The following WWOX variants were observed in gnomAD, a reference collection of about 807,000 sequenced individuals.
The protein encoded by WWOX is WW domain-containing oxidoreductase.
Under a neutral mutation model 46.2 loss-of-function variants are expected in WWOX, and 69 were observed. That is an observed-to-expected ratio of 1.49 (90% confidence interval 1.23 to 1.82). The LOEUF is 1.82. Ranked by LOEUF, WWOX falls within the 40% of genes most tolerant of loss-of-function variation. WWOX has a pLI of 0.00. For missense variants in WWOX, 919 were observed against 542.6 expected (o/e 1.69, Z -6.89); for synonymous variants, 359 against 202.6 (o/e 1.77, Z -6.56).
Position 78,405,219 on chromosome 16 carries a change from G to A in WWOX, c.605+18271G>A, listed in dbSNP as rs1307747392. ...TTCACTATAAGAAGTTGCAAATGGTGCATGAAATGAAAAATTCCTGGTGGT... is the reference window on the plus strand; with the variant it reads ...TTCACTATAAGAAGTTGCAAATGGTACATGAAATGAAAAATTCCTGGTGGT... On this transcript the variant is annotated intron_variant, in intron 6 of 8. Coordinates refer to ENST00000566780, the MANE Select transcript of WWOX (RefSeq NM_016373.4). Among the ~76,000 whole-genome samples, 3 of 152,306 alleles carry A rather than the reference G, an allele frequency of 2.0e-5. No homozygotes were observed. The East Asian group carries it at 5.8e-4, about 29-fold the overall frequency.
At chr16:78,672,683 A>G (rs1022477525) in intron 8 of WWOX, among the ~76,000 whole-genome samples, 1 of 152,192 alleles carries the variant, frequency 6.6e-6, no homozygotes, top group Non-Finnish European at 1.5e-5. Context: ...ATCGGATGAA[A>G]TTTTAAAAAC....
At chr16:78,224,568 C>T (rs2036990367) in intron 5 of WWOX, among the ~76,000 whole-genome samples, 1 of 152,130 alleles carries the variant, frequency 6.6e-6, no homozygotes, top group Non-Finnish European at 1.5e-5. Context: ...AACCAATCCC[C>T]TGTTGTTGGA....
chr16:79,139,568 C>T (rs577121924), intron 8 of WWOX, among the ~76,000 whole-genome samples: 1 of 152,234 alleles, frequency 6.6e-6, no homozygotes, highest in African/African-American at 2.4e-5. Context: ...GTGGAAGTCA[C>T]GTGGGCTTTT....
intron 7 of WWOX, among the ~76,000 whole-genome samples, chr16:78,427,887 G>A (rs372351536): frequency 6.6e-6 from 1 of 152,278 alleles, no homozygotes; most frequent in Admixed American, 6.5e-5. Flanking sequence ...AGCCAGCATG[G>A]CGAAACCCCA....
chr16:78,199,423 C>T (rs922173530), intron 5 of WWOX, among the ~76,000 whole-genome samples: 3 of 152,188 alleles, frequency 2.0e-5, no homozygotes, highest in Non-Finnish European at 4.4e-5. Context: ...ATATGTTCAT[C>T]ACTAGGGCCA....
intron 8 of WWOX, among the ~76,000 whole-genome samples, chr16:78,469,483 G>T (rs1001678725): frequency 6.6e-6 from 1 of 152,194 alleles, no homozygotes; most frequent in African/African-American, 2.4e-5. Context: ...TCCGCAGTGA[G>T]GGTGATGATG....
chr16:79,019,817 T>A (rs1414656762), intron 8 of WWOX, among the ~76,000 whole-genome samples: 1 of 152,152 alleles, frequency 6.6e-6, no homozygotes, highest in African/African-American at 2.4e-5. Context: ...CCAGCTAATC[T>A]TTTCTAGCTG....
intron 8 of WWOX, among the ~76,000 whole-genome samples, chr16:78,631,695 T>C (rs2046436231): frequency 6.6e-6 from 1 of 152,086 alleles, no homozygotes; most frequent in African/African-American, 2.4e-5. Context: ...CCACCGTGCC[T>C]GGCTATTTTT....
intron 8 of WWOX, among the ~76,000 whole-genome samples, chr16:78,605,809 G>C (rs974098245): frequency 6.6e-6 from 1 of 152,162 alleles, no homozygotes; most frequent in Non-Finnish European, 1.5e-5. Context: ...TGGTTAAATT[G>C]AACCTTTCCC....
At chr16:79,024,682 A>C (rs57899479) in intron 8 of WWOX, among the ~76,000 whole-genome samples, 7,246 of 151,796 alleles carry the variant, frequency 0.048, 226 homozygotes, top group South Asian at 0.14. Context: ...TGATCTGCCC[A>C]CCTCGGCCTC....
chr16:78,692,764 A>T (rs963556243), intron 8 of WWOX, among the ~76,000 whole-genome samples: 1 of 152,230 alleles, frequency 6.6e-6, no homozygotes, highest in African/African-American at 2.4e-5. Context: ...GAGTGGCCCC[A>T]GGTTTCCCTG....
intron 8 of WWOX, chr16:78,891,859 C>T (rs1205348247): frequency 6.6e-6 from 1 of 152,080 alleles, no homozygotes; most frequent in East Asian, 1.9e-4. Context: ...AAATAATGAC[C>T]AGTTATACTT....
At chr16:78,226,562 C>T (rs1204774495) in intron 5 of WWOX, among the ~76,000 whole-genome samples, 1 of 134,970 alleles carries the variant, frequency 7.4e-6, no homozygotes, top group Admixed American at 8.5e-5. Flanking sequence ...TTTTCTTTTC[C>T]TTTCCTTCTT....
chr16:78,627,244 C>A (rs2046331504), intron 8 of WWOX, among the ~76,000 whole-genome samples: 1 of 152,278 alleles, frequency 6.6e-6, no homozygotes, highest in South Asian at 2.1e-4. Context: ...GTGTTTGCTA[C>A]CATACCTCCC....
chr16:78,965,241 A>G (rs1453161148), intron 8 of WWOX, among the ~76,000 whole-genome samples: 1 of 152,204 alleles, frequency 6.6e-6, no homozygotes, highest in Admixed American at 6.5e-5. Flanking sequence ...TTCCACAGAG[A>G]TAGTATTGAT....
chr16:79,010,318 G>T (rs1414275437), intron 8 of WWOX, among the ~76,000 whole-genome samples: 1 of 152,162 alleles, frequency 6.6e-6, no homozygotes, highest in African/African-American at 2.4e-5. Context: ...GCTGAGGGAA[G>T]GTGCCTCAGG....
chr16:78,841,957 C>A (rs1041586421), intron 8 of WWOX, among the ~76,000 whole-genome samples: 1 of 151,980 alleles, frequency 6.6e-6, no homozygotes, highest in African/African-American at 2.4e-5. Flanking sequence ...AGCTGGCAGA[C>A]GTGTGGGACA....
intron 8 of WWOX, among the ~76,000 whole-genome samples, chr16:78,514,343 G>T (rs2085437232): frequency 6.6e-6 from 1 of 152,172 alleles, no homozygotes; most frequent in African/African-American, 2.4e-5. Context: ...ATGTACAACT[G>T]CTTGAAAACA....
chr16:78,891,404 A>G (rs1222845922), intron 8 of WWOX: 3 of 152,218 alleles, frequency 2.0e-5, no homozygotes, highest in Admixed American at 6.5e-5. Flanking sequence ...CAGGGAATAC[A>G]GAGTTAAAAA....
Sources: gnomAD v4.1 joint callset for allele counts (sites outside exome capture counted in the v4.1 genomes callset) on GRCh38, gnomAD v4.1.1 for gene constraint, MANE v1.5 for transcripts, NCBI Gene and HGNC (gene_info 2026-07-23, HGNC 2026-07-21) for gene names.